Variants in ZFP62 observed in about 807,000 individuals in gnomAD.
ZFP62 encodes zinc finger protein 62 homolog.
ZFP62 carries 44 observed loss-of-function variants against 56.4 expected under a neutral mutation model. The observed-to-expected ratio is 0.78, with a 90% CI of 0.61 to 1.00. The LOEUF (loss-of-function observed/expected upper bound fraction) is 1.00, where lower values mean the gene tolerates loss of function less well. Ranked by LOEUF, ZFP62 falls within the 50% of genes least tolerant of loss-of-function variation. The pLI, the probability that ZFP62 is intolerant of heterozygous loss-of-function variation, is 0.00. For synonymous variants in ZFP62, 421 were observed against 388.9 expected (o/e 1.08, Z -0.97); for missense variants, 1,030 against 1,085.7 (o/e 0.95, Z 0.72).
chr5:180,856,530 T>C (rs1200270192), intron 1 of ZFP62, among the ~76,000 whole-genome samples: 1 of 152,212 alleles, frequency 6.6e-6, no homozygotes, highest in Non-Finnish European at 1.5e-5. Flanking sequence ...CTTAAGACTA[T>C]TGTCTGCATC....
At chr5:180,857,219 T>C (rs1455707900) in intron 1 of ZFP62, among the ~76,000 whole-genome samples, 1 of 152,184 alleles carries the variant, frequency 6.6e-6, no homozygotes, top group Non-Finnish European at 1.5e-5. Flanking sequence ...ATATGCGTTT[T>C]GGAAAAATTA....
intron 1 of ZFP62, among the ~76,000 whole-genome samples, chr5:180,854,688 A>C (rs148311121): frequency 0.025 from 3,810 of 152,338 alleles, 61 homozygotes; most frequent in African/African-American, 0.039. Flanking sequence ...AGTAGGGAGA[A>C]GGACACATCA....
chr5:180,846,325 T>C (rs17141199), downstream of ZFP62, among the ~76,000 whole-genome samples: 3,761 of 152,294 alleles, frequency 0.025, 60 homozygotes, highest in African/African-American at 0.039. Flanking sequence ...TCCTTTGTTA[T>C]TTAGCCTGCA....
At chr5:180,855,088 G>C (rs550771954) in intron 1 of ZFP62, among the ~76,000 whole-genome samples, 6 of 152,272 alleles carry the variant, frequency 3.9e-5, no homozygotes, top group Admixed American at 1.3e-4. Flanking sequence ...AGTATTTAGG[G>C]ATAAAGGGCC....
intron 1 of ZFP62, among the ~76,000 whole-genome samples, chr5:180,853,625 A>G (rs545197698): frequency 2.6e-5 from 4 of 152,380 alleles, no homozygotes; most frequent in Non-Finnish European, 5.9e-5. Flanking sequence ...TCCCATGAAT[A>G]CCACAATCGC....
intron 1 of ZFP62, 131 bp from the exon 2 acceptor site, chr5:180,851,624 G>A (rs981997777): frequency 1.3e-5 from 14 of 1,082,328 alleles, no homozygotes; most frequent in African/African-American, 6.4e-5. Flanking sequence ...GGTACCATGT[G>A]CCATGTACCG....
downstream of ZFP62, chr5:180,845,983 T>G (rs551682847): frequency 2.0e-6 from 1 of 492,470 alleles, no homozygotes; most frequent in East Asian, 1.5e-4. Flanking sequence ...TTTCAGGCTT[T>G]TCTTTTCTCT....
chr5:180,844,505 C>T (rs949296360), downstream of ZFP62, among the ~76,000 whole-genome samples: 2 of 152,206 alleles, frequency 1.3e-5, no homozygotes, highest in African/African-American at 4.8e-5. Flanking sequence ...ACCAACCCTT[C>T]CTACAGTAAT....
chr5:180,852,646 A>C (rs1306361163), intron 1 of ZFP62, among the ~76,000 whole-genome samples: 2 of 152,190 alleles, frequency 1.3e-5, no homozygotes, highest in African/African-American at 2.4e-5. Context: ...CTCTAAATAT[A>C]AAAAAGCTGT....
rs1360970594 is a variant in ZFP62 at position 180,850,848 on chromosome 5, T to C, written c.647A>G (p.Lys216Arg). 3 of 1,563,558 alleles carry C rather than the reference T, an allele frequency of 1.9e-6. No individual in the cohort carries two copies. Among genetic ancestry groups the C allele is most frequent in the Middle Eastern group, 3.3e-4 (2 of 6,008 alleles). The change falls in exon 2 of 2, where the codon AAA becomes AGA. Residue 216 changes from lysine to arginine, a missense_variant. Physicochemically the swap from Lys to Arg is conservative, Grantham distance 26 (BLOSUM62 2). Coordinates refer to ENST00000502412, the MANE Select transcript of ZFP62 (RefSeq NM_001172638.2). Reference sequence around the variant, plus strand: ...GTTCTTCTCCCCAGAATGGGTGCTTTTGTGGTTTATAAGGCTGGAGTAGGA... The same window carrying C: ...GTTCTTCTCCCCAGAATGGGTGCTTCTGTGGTTTATAAGGCTGGAGTAGGA... ...YMSYSSLINHKSTHSGEKNCK... is the reference protein window; with the variant it reads ...YMSYSSLINHRSTHSGEKNCK...
At position 180,850,987 on chromosome 5, in the gene ZFP62, C is replaced by T; in HGVS notation, c.508G>A (p.Glu170Lys). 6.4e-7 allele frequency: 1 copy of T among 1,552,326 alleles called. No homozygotes were observed. Among genetic ancestry groups the T allele is most frequent in the African/African-American group, 1.4e-5 (1 of 73,170 alleles). Residue 170 changes from glutamate (E) to lysine (K), a missense_variant, in exon 2 of 2, where the codon GAA (glutamate) becomes AAA (lysine). Glu to Lys is a moderately conservative substitution (Grantham distance 56, BLOSUM62 1). Coordinates refer to ENST00000502412, the MANE Select transcript of ZFP62 (RefSeq NM_001172638.2). ...AAAGTCCCTCCACAGTCATCACATTCATAGCGCTTTTCCCCAGTGTGCATA... is the reference window on the plus strand; with the variant it reads ...AAAGTCCCTCCACAGTCATCACATTTATAGCGCTTTTCCCCAGTGTGCATA... ...KIMHTGEKRY[E>K]CDDCGGTFRS...
the ZFP62 span, among the ~76,000 whole-genome samples, chr5:180,827,303 G>A: frequency 6.6e-6 from 1 of 152,214 alleles, no homozygotes; most frequent in Non-Finnish European, 1.5e-5. Flanking sequence ...GATTGTTACT[G>A]TGTCTGTATA....
intron 1 of ZFP62, among the ~76,000 whole-genome samples, chr5:180,853,995 C>T (rs1773845174): frequency 6.6e-6 from 1 of 152,176 alleles, no homozygotes; most frequent in South Asian, 2.1e-4. Context: ...ATATTCAAGC[C>T]TGTATGGCTG....
rs1289925827 is a variant in ZFP62 at position 180,849,707 on chromosome 5, C to A, written c.1788G>T (p.Lys596Asn). ...EKPFKCDECE[K>N]AFITYRTLTN... ...TAAGGGTTCGGTATGTGATGAAGGC[C>A]TTCTCACACTCGTCACACTTAAAGG... Residue 596 changes from lysine (K) to asparagine (N), a missense_variant, in exon 2 of 2, where the codon AAG becomes AAT. By Grantham distance (94) the Lys-to-Asn change is moderately conservative. Transcript: ENST00000502412. 1 of 1,551,258 alleles carries A rather than the reference C, an allele frequency of 6.4e-7. No homozygotes were observed. The highest frequency in any genetic ancestry group is 8.7e-7 in the Non-Finnish European group (1 of 1,146,896).
At chr5:180,857,681 A>G (rs1774062430) in intron 1 of ZFP62, among the ~76,000 whole-genome samples, 1 of 152,050 alleles carries the variant, frequency 6.6e-6, no homozygotes, top group African/African-American at 2.4e-5. Context: ...TATTTTTAGT[A>G]GAGATGGGGT....
Position 180,850,067 on chromosome 5 carries a change from T to A in ZFP62, c.1428A>T (p.Pro476=). The A allele has an allele frequency of 6.4e-7, 1 of 1,551,640 alleles. No individual in the cohort carries two copies. The part of the protein sequence containing the change: ...VHRRLHTGEK[P]YKCDVCGKAY... ...CTTTCCCACACACATCACACTTATA[T>A]GGTTTTTCCCCAGTATGGAGCCTCC... The change falls in exon 2 of 2, where the codon CCA becomes CCT. Residue 476 remains proline, a synonymous_variant. Transcript: ENST00000502412.
At chr5:180,860,517 C>T (rs1287340139) in intron 1 of ZFP62, 2 of 151,874 alleles carry the variant, frequency 1.3e-5, no homozygotes, top group African/African-American at 4.8e-5. Context: ...CTTCGACCTT[C>T]CTCTCCCTAC....
In ZFP62 at chr5:180,847,744, C is replaced by T; in HGVS notation, c.*1048G>A. ...TTACAACAGACAACATATACATGTC[C>T]TGCATGACATCTTTACAATAACACA... is the stretch of plus-strand genomic sequence containing the variant. On this transcript the variant is annotated 3_prime_UTR_variant, in exon 2 of 2. Coordinates refer to ENST00000502412, the MANE Select transcript of ZFP62 (RefSeq NM_001172638.2). 2 of 985,434 alleles carry T rather than the reference C, an allele frequency of 2.0e-6. No homozygotes were observed. The highest frequency in any genetic ancestry group is 2.4e-6 in the Non-Finnish European group (2 of 829,938). 61.0% of individuals were successfully genotyped at this position (985,434 alleles called of 1,614,324 possible). A position where few individuals can be genotyped will look rare whatever the true frequency, so the allele number is the denominator to read the frequency against.
chr5:180,851,159 G>A lies in ZFP62; in HGVS notation c.336C>T (p.Gly112=), dbSNP rs1042677060. 16 of 1,551,586 alleles carry A rather than the reference G, an allele frequency of 1.0e-5. No homozygotes were observed. In the African/African-American group the frequency reaches 1.8e-4, roughly 17 times the overall value. ...THQTMPIGQR[G]SEQGKRVENI... is the part of the protein sequence containing the mutation. Reference sequence around the variant, plus strand: ...TCTCCACACGTTTGCCTTGCTCACTGCCTCTCTGTCCTATAGGCATAGTCT... The same window carrying A: ...TCTCCACACGTTTGCCTTGCTCACTACCTCTCTGTCCTATAGGCATAGTCT... The change falls in exon 2 of 2, where the codon GGC becomes GGT. Residue 112 remains glycine (G), a synonymous_variant. Coordinates refer to ENST00000502412, the MANE Select transcript of ZFP62 (RefSeq NM_001172638.2).
Sources: allele counts gnomAD v4.1 joint callset (sites outside exome capture counted in the v4.1 genomes callset), GRCh38; gene constraint gnomAD v4.1.1; transcripts MANE v1.5; gene names NCBI Gene and HGNC (gene_info 2026-07-23, HGNC 2026-07-21).